The following RAD54L2 variants were observed in gnomAD, a reference collection of about 807,000 sequenced individuals.
RAD54L2 encodes RAD54 like 2, also known as helicase ARIP4.
A neutral mutation model predicts 138.4 loss-of-function variants in RAD54L2; 27 were observed. The ratio of observed to expected loss-of-function variants is 0.20; its 90% CI spans 0.14 to 0.27. The LOEUF (loss-of-function observed/expected upper bound fraction) is 0.27, where lower values mean the gene tolerates loss of function less well. Among genes scored for constraint, RAD54L2 ranks in the 10% least tolerant of loss-of-function variants. The pLI is 1.00. For missense variants in RAD54L2, 1,396 were observed against 1,890.2 expected (o/e 0.74, Z 4.85); for synonymous variants, 644 against 723.2 (o/e 0.89, Z 1.76).
rs561665389 is a variant in RAD54L2, at chr3:51,663,306, C to T, written c.4290C>T (p.Gly1430=). ...MSPHAGYPAG[G]LLRSQVPPFD... is the part of the protein sequence containing the mutation. ...CACATGCAGGCTACCCAGCTGGTGG[C>T]CTCCTACGGTCCCAGGTGCCTCCAT... The change falls in exon 23 of 23, where the codon GGC becomes GGT. Residue 1430 remains glycine, a synonymous_variant. Coordinates refer to ENST00000684192, the MANE Select transcript of RAD54L2 (RefSeq NM_015106.4). 10 of 1,613,968 alleles carry T rather than the reference C, an allele frequency of 6.2e-6. No individual in the cohort carries two copies. The South Asian group carries it at 1.1e-4, about 18-fold the overall frequency.
At chr3:51,627,787 A>G in intron 4 of RAD54L2, 33 bp downstream of exon 4, 1 of 1,607,752 alleles carries the variant, frequency 6.2e-7, no homozygotes, top group Non-Finnish European at 8.5e-7. Context: ...GGAGAGGGAA[A>G]GGAATAGAGA....
chr3:51,595,961 C>G (rs890562472), intron 3 of RAD54L2, among the ~76,000 whole-genome samples: 1 of 142,326 alleles, frequency 7.0e-6, no homozygotes, highest in African/African-American at 2.6e-5. Flanking sequence ...GAGACAGGGT[C>G]TCACCCAGGA....
At chr3:51,626,303 G>C (rs1009546275) in intron 3 of RAD54L2, among the ~76,000 whole-genome samples, 6 of 151,902 alleles carry the variant, frequency 3.9e-5, no homozygotes, top group African/African-American at 1.5e-4. Context: ...GACTCTCAAA[G>C]CCTGCCTACC....
At chr3:51,586,431 G>GTT (rs538266040) in intron 2 of RAD54L2, among the ~76,000 whole-genome samples, 3 of 134,274 alleles carry the variant, frequency 2.2e-5, no homozygotes, top group Non-Finnish European at 4.9e-5. Context: ...TGTTGCCTTT[G>GTT]TTTTTTTTTT....
At position 51,644,945 on chromosome 3, in the gene RAD54L2, G is replaced by GA. The variant is rs1701236593; in HGVS notation, c.2451-77dup. 5 of 1,420,464 alleles carry GA rather than the reference G, an allele frequency of 3.5e-6. No individual in the cohort carries two copies. The Admixed American group carries it at 8.6e-5, about 25-fold the overall frequency. 88.0% of individuals were successfully genotyped at this position (1,420,464 alleles called of 1,614,324 possible). On this transcript the variant is annotated intron_variant, in intron 16 of 22. Coordinates refer to ENST00000684192, the MANE Select transcript of RAD54L2 (RefSeq NM_015106.4). ...CTTAGGACAGAGTAATATTGGGGTA[G>GA]AAGTCACAGAGGGCAAAACTGATTT... is the stretch of plus-strand genomic sequence containing the variant.
intron 3 of RAD54L2, among the ~76,000 whole-genome samples, chr3:51,611,877 G>A (rs1700341575): frequency 6.6e-6 from 1 of 151,964 alleles, no homozygotes; most frequent in Non-Finnish European, 1.5e-5. Flanking sequence ...CTTTCATACA[G>A]TACTTTTGAA....
rs772363282 is a variant in RAD54L2 at position 51,645,780 on chromosome 3, C to T, written c.2829+17C>T. 3.8e-6 allele frequency: 6 copies of T among 1,594,846 alleles called. No individual in the cohort carries two copies. Among genetic ancestry groups the T allele is most frequent in the Non-Finnish European group, 5.1e-6 (6 of 1,171,128 alleles). Reference sequence around the variant, plus strand: ...ATCACCAAGGTAAGAACTTGGTATGCATGCAATCCCCAGAGTGGCAGTCTC... The same window carrying T: ...ATCACCAAGGTAAGAACTTGGTATGTATGCAATCCCCAGAGTGGCAGTCTC... On this transcript the variant is annotated intron_variant, in intron 18 of 22. Transcript: ENST00000684192. This position sits in a 1 kb window ranked among gnomAD's most constrained non-coding sequence, Gnocchi z 6.1.
chr3:51,556,082 G>T (rs1190039100), intron 2 of RAD54L2, among the ~76,000 whole-genome samples: 3 of 151,868 alleles, frequency 2.0e-5, no homozygotes, highest in Non-Finnish European at 4.4e-5. Context: ...CCTTTGTAAG[G>T]TCCTCCTATA....
At chr3:51,579,371 C>G (rs894637617) in intron 2 of RAD54L2, among the ~76,000 whole-genome samples, 3 of 152,156 alleles carry the variant, frequency 2.0e-5, no homozygotes, top group Admixed American at 1.3e-4. Flanking sequence ...GCCATGGTTC[C>G]AGGCTTGAGG....
intron 16 of RAD54L2, among the ~76,000 whole-genome samples, 187 bp downstream of exon 16, chr3:51,644,161 T>C (rs182809010): frequency 6.6e-6 from 1 of 152,322 alleles, no homozygotes; most frequent in African/African-American, 2.4e-5. Flanking sequence ...TATCATAAAA[T>C]TTTTTGAGAC....
In RAD54L2 at chr3:51,608,615, A is replaced by G. The variant is rs566190278; in HGVS notation, c.139+18056A>G. Among the ~76,000 whole-genome samples the G allele has an allele frequency of 2.3e-3, 346 of 152,342 alleles. 3 individuals carry two copies. The highest frequency in any genetic ancestry group is 7.6e-3 in the African/African-American group (318 of 41,574). ...TGAGGCTGGCAGATCACTCCTGGTCAGGAGCTGGAGACCAGCCCGGCCAAC... is the reference window on the plus strand; with the variant it reads ...TGAGGCTGGCAGATCACTCCTGGTCGGGAGCTGGAGACCAGCCCGGCCAAC... On this transcript the variant is annotated intron_variant, in intron 3 of 22. Transcript: ENST00000684192.
Position 51,603,993 on chromosome 3 carries a change from A to G in RAD54L2, c.139+13434A>G, listed in dbSNP as rs531116885. On this transcript the variant is annotated intron_variant, in intron 3 of 22. Transcript: ENST00000684192. Reference sequence around the variant, plus strand: ...CTGTATGGGGGATAAGGGATAAAGTAGGGAAACCAGCTAGGAAGATAATGC... The same window carrying G: ...CTGTATGGGGGATAAGGGATAAAGTGGGGAAACCAGCTAGGAAGATAATGC... Among the ~76,000 whole-genome samples the G allele has an allele frequency of 6.6e-5, 10 of 152,346 alleles. 1 individual carries two copies. The South Asian group carries it at 2.1e-3, about 32-fold the overall frequency.
intron 2 of RAD54L2, among the ~76,000 whole-genome samples, chr3:51,576,495 T>G (rs944256596): frequency 6.6e-6 from 1 of 152,182 alleles, no homozygotes; most frequent in Non-Finnish European, 1.5e-5. Flanking sequence ...TTTTGGTTGG[T>G]AGGCTATTAA....
At chr3:51,589,967 C>A (rs567628640) in intron 2 of RAD54L2, among the ~76,000 whole-genome samples, 1 of 152,066 alleles carries the variant, frequency 6.6e-6, no homozygotes, top group South Asian at 2.1e-4. Flanking sequence ...TAGAGAAGTT[C>A]CGGGGAATTC....
At chr3:51,560,959 T>A (rs1699083439) in intron 2 of RAD54L2, among the ~76,000 whole-genome samples, 1 of 152,228 alleles carries the variant, frequency 6.6e-6, no homozygotes, top group Non-Finnish European at 1.5e-5. Context: ...AATGAGCTGG[T>A]ACTTGTTTTC....
intron 3 of RAD54L2, among the ~76,000 whole-genome samples, chr3:51,598,715 C>T (rs1416885436): frequency 2.0e-5 from 3 of 152,060 alleles, no homozygotes; most frequent in African/African-American, 7.2e-5. Flanking sequence ...AAGATTGTAC[C>T]ACTGCACTAT....
At chr3:51,539,301 T>G (rs1484637872) in intron 1 of RAD54L2, among the ~76,000 whole-genome samples, 1 of 152,096 alleles carries the variant, frequency 6.6e-6, no homozygotes, top group East Asian at 1.9e-4. Flanking sequence ...GGCTTCTGTG[T>G]GTCTAATCCC....
At chr3:51,545,428 G>A (rs1256201362) in intron 2 of RAD54L2, among the ~76,000 whole-genome samples, 1 of 151,634 alleles carries the variant, frequency 6.6e-6, no homozygotes, top group Non-Finnish European at 1.5e-5. Flanking sequence ...GTGACCTTGT[G>A]ATCCACCTGC....
At chr3:51,642,168 C>T (rs1457233043) in intron 15 of RAD54L2, among the ~76,000 whole-genome samples, 1 of 152,066 alleles carries the variant, frequency 6.6e-6, no homozygotes, top group Non-Finnish European at 1.5e-5. Context: ...AGGATAGAAT[C>T]ACTGTGGTGA....
Sources: gnomAD v4.1 joint callset for allele counts (sites outside exome capture counted in the v4.1 genomes callset) on GRCh38, gnomAD v4.1.1 for gene constraint, Gnocchi (gnomAD v3.1) non-coding constraint, MANE v1.5 for transcripts, NCBI Gene and HGNC (gene_info 2026-07-23, HGNC 2026-07-21) for gene names.